The following CHL1 variants were observed in gnomAD, a reference collection of about 807,000 sequenced individuals.
CHL1 encodes the protein cell adhesion molecule L1 like.
A neutral mutation model predicts 141.9 loss-of-function variants in CHL1; 96 were observed. The ratio of observed to expected loss-of-function variants is 0.68; its 90% confidence interval spans 0.57 to 0.80. The LOEUF (loss-of-function observed/expected upper bound fraction) is 0.80, where lower values mean the gene tolerates loss of function less well. Ranked by LOEUF, CHL1 falls within the 30% of genes least tolerant of loss-of-function variation. The probability of loss-of-function intolerance (pLI) is 0.00; values close to 1 mark genes in which losing one functional copy is unlikely to be tolerated. For missense variants in CHL1, 1,820 were observed against 1,457.2 expected, an observed-to-expected ratio of 1.25 and a Z score of -4.05; for synonymous variants, 613 against 502.2, an observed-to-expected ratio of 1.22 and a Z score of -2.95.
chr3:205,590 T>C (rs970762781), intron 1 of CHL1, among the ~76,000 whole-genome samples: 10 of 152,174 alleles, frequency 6.6e-5, no homozygotes, highest in Admixed American at 2.0e-4. Flanking sequence ...GAGATAGACT[T>C]TTCCAAAGCA....
At chr3:388,404 G>A (rs1002157095) in intron 19 of CHL1, among the ~76,000 whole-genome samples, 9 of 151,950 alleles carry the variant, frequency 5.9e-5, no homozygotes, top group Admixed American at 4.6e-4. Context: ...AAAATTAGCC[G>A]GGCGTGGTGG....
At chr3:281,342 C>T (rs1438696129) in intron 2 of CHL1, among the ~76,000 whole-genome samples, 1 of 152,108 alleles carries the variant, frequency 6.6e-6, no homozygotes, top group Non-Finnish European at 1.5e-5. Flanking sequence ...AGAAAGGGAC[C>T]TCACATCCAA....
At position 251,957 on chromosome 3, in the gene CHL1, A is replaced by C. The variant is rs73814071; in HGVS notation, c.-95+7265A>C. Among the ~76,000 whole-genome samples the C allele has an allele frequency of 8.0e-3, 1,211 of 152,164 alleles. 12 individuals are homozygous for C. Among genetic ancestry groups the C allele is most frequent in the African/African-American group, 0.028 (1,152 of 41,538 alleles). On this transcript the variant is annotated intron_variant, in intron 2 of 27. Transcript: ENST00000256509. ...CTGTTTAAAACAAATTCAGTTTTTC[A>C]ACTAAAAATATCAAGCTGAGTTGGA...
In CHL1 at chr3:382,240, G is replaced by C. The variant is rs1367705911; in HGVS notation, c.1938G>C (p.Leu646=). 1.2e-6 allele frequency: 2 copies of C among 1,613,816 alleles called. No homozygotes were observed. The highest frequency in any genetic ancestry group is 2.2e-5 in the South Asian group (2 of 91,066). ...LSERQNRSVR[L]TWEAGADHNS... ...AAAGACAGAACAGGAGTGTTCGGCT[G>C]ACCTGGGAAGCTGGAGCTGACCACA... Residue 646 remains leucine (L), a synonymous_variant, in exon 17 of 28, where the codon CTG becomes CTC. Transcript: ENST00000256509.
chr3:354,754 A>G lies in CHL1; in HGVS notation c.1148A>G (p.Asn383Ser), dbSNP rs947149969. 6.2e-7 allele frequency: 1 copy of G among 1,613,694 alleles called. No individual in the cohort carries two copies. Among genetic ancestry groups the G allele is most frequent in the Non-Finnish European group, 8.5e-7 (1 of 1,179,784 alleles). Reference sequence around the variant, plus strand: ...CAACCCACAATCAAGTGGAGAGTCAATGGCTCCCCAGTTGACAGTAAGTTT... The same window carrying G: ...CAACCCACAATCAAGTGGAGAGTCAGTGGCTCCCCAGTTGACAGTAAGTTT... ...EPQPTIKWRV[N>S]GSPVDNHPFA... is the part of the protein sequence containing the mutation. The change falls in exon 11 of 28, where the codon AAT becomes AGT. Residue 383 changes from asparagine to serine, a missense_variant. Physicochemically the swap from Asn to Ser is conservative, Grantham distance 46 (BLOSUM62 1). Coordinates refer to ENST00000256509, the MANE Select transcript of CHL1 (RefSeq NM_006614.4).
At chr3:206,015 T>C (rs374951878) in intron 1 of CHL1, among the ~76,000 whole-genome samples, 92 of 152,232 alleles carry the variant, frequency 6.0e-4, no homozygotes, top group East Asian at 6.0e-3. Flanking sequence ...TCTCCAGCTA[T>C]GGTCTTCACT....
At chr3:379,272 C>T (rs1398473627) in intron 16 of CHL1, among the ~76,000 whole-genome samples, 1 of 152,060 alleles carries the variant, frequency 6.6e-6, no homozygotes. Flanking sequence ...AAATGGCCAT[C>T]AAGGTTGGGT....
chr3:354,697 G>C lies in CHL1; in HGVS notation c.1091G>C (p.Gly364Ala), dbSNP rs1363165115. 1 of 1,614,008 alleles carries C rather than the reference G, an allele frequency of 6.2e-7. No homozygotes were observed. The highest frequency in any genetic ancestry group is 1.1e-5 in the South Asian group (1 of 91,076). ...GCTGTGTATAGCACCGGAAGCAATG[G>C]CATCTTGTTATGTGAGGCTGAAGGA... is the stretch of plus-strand genomic sequence containing the variant. ...QSAVYSTGSNGILLCEAEGEP... is the reference protein window; with the variant it reads ...QSAVYSTGSNAILLCEAEGEP... The change falls in exon 11 of 28, where the codon GGC becomes GCC. Residue 364 changes from glycine to alanine, a missense_variant. Gly to Ala is a moderately conservative substitution (Grantham distance 60). Transcript: ENST00000256509.
In CHL1 at chr3:249,930, G is replaced by A. The variant is rs945731358; in HGVS notation, c.-95+5238G>A. On this transcript the variant is annotated intron_variant, in intron 2 of 27. Coordinates refer to ENST00000256509, the MANE Select transcript of CHL1 (RefSeq NM_006614.4). ...TCTAAAATCTGTACCTGGGGACTGT[G>A]AATTAAACTAACAAAAGACAGATTA... Among the ~76,000 whole-genome samples, 6 of 151,388 alleles carry A rather than the reference G, an allele frequency of 4.0e-5. No homozygotes were observed. In the East Asian group the frequency reaches 9.7e-4, roughly 24 times the overall value.
In CHL1 at chr3:389,431, T is replaced by C. The variant is rs1236525671; in HGVS notation, c.2427T>C (p.Ser809=). 2 of 1,614,096 alleles carry C rather than the reference T, an allele frequency of 1.2e-6. No homozygotes were observed. Among genetic ancestry groups the C allele is most frequent in the Non-Finnish European group, 1.7e-6 (2 of 1,180,048 alleles). ...TCCAGGCTATCAATCAACTAGGATCTGGGCCTGACCCTCAGTCAGTGACTC... is the reference window on the plus strand; with the variant it reads ...TCCAGGCTATCAATCAACTAGGATCCGGGCCTGACCCTCAGTCAGTGACTC... ...VKVQAINQLG[S]GPDPQSVTLY... is the part of the protein sequence containing the mutation. The change falls in exon 20 of 28, where the codon TCT becomes TCC. Residue 809 remains serine, a synonymous_variant. Transcript: ENST00000256509.
At chr3:335,918 T>C (rs1417617306) in intron 5 of CHL1, among the ~76,000 whole-genome samples, 1 of 152,162 alleles carries the variant, frequency 6.6e-6, no homozygotes, top group African/African-American at 2.4e-5. Flanking sequence ...AGTGAAAATA[T>C]TTGAGGAGTA....
chr3:234,193 GTA>G (rs35671583), intron 1 of CHL1, among the ~76,000 whole-genome samples: 16,060 of 144,200 alleles, frequency 0.11, 1,188 homozygotes, highest in East Asian at 0.38. Context: ...GTGTGTGTGT[GTA>G]TATATATATA....
rs9821727 is a variant in CHL1, at chr3:405,371, T to G, written c.3459-124T>G. The G allele has an allele frequency of 0.016, 10,282 of 644,796 alleles. 805 individuals carry two copies. The African/African-American group carries it at 0.16, about 10-fold the overall frequency. 39.9% of individuals were successfully genotyped at this position (644,796 alleles called of 1,614,324 possible). ...GTAGTATCATGTGGGCTTTACTATC[T>G]GTCTTCAATGCTAACACAAATGTCC... is the stretch of plus-strand genomic sequence containing the variant. On this transcript the variant is annotated intron_variant, in intron 27 of 27. Coordinates refer to ENST00000256509, the MANE Select transcript of CHL1 (RefSeq NM_006614.4).
At position 319,096 on chromosome 3, in the gene CHL1, A is replaced by G. The variant is rs564398536; in HGVS notation, c.-94-587A>G. Among the ~76,000 whole-genome samples the G allele has an allele frequency of 4.1e-4, 53 of 130,034 alleles. 1 individual carries two copies. The highest frequency in any genetic ancestry group is 1.4e-3 in the African/African-American group (43 of 31,360). 85.3% of individuals were successfully genotyped at this position (130,034 alleles called of 152,430 possible). ...ACCACATGTTCTCATTTAGAAGTGG[A>G]AGTCCAACACTGAATACACACGGAC... is the stretch of plus-strand genomic sequence containing the variant. On this transcript the variant is annotated intron_variant, in intron 2 of 27. Transcript: ENST00000256509.
intron 2 of CHL1, among the ~76,000 whole-genome samples, chr3:296,733 GA>G (rs1370842997): frequency 6.6e-6 from 1 of 152,174 alleles, no homozygotes; most frequent in Non-Finnish European, 1.5e-5. Context: ...GTGGAAGGCA[GA>G]CATTGTATCC....
At chr3:225,662 A>T (rs1053072721) in intron 1 of CHL1, among the ~76,000 whole-genome samples, 1 of 152,182 alleles carries the variant, frequency 6.6e-6, no homozygotes, top group Non-Finnish European at 1.5e-5. Flanking sequence ...CTGTCCAGGA[A>T]CTAAACAATA....
chr3:234,292 A>C (rs1691724750), intron 1 of CHL1, among the ~76,000 whole-genome samples: 1 of 151,982 alleles, frequency 6.6e-6, no homozygotes, highest in Non-Finnish European at 1.5e-5. Context: ...GAATAAAACA[A>C]AACTCCCACA....
chr3:349,689 C>CCTG, intron 10 of CHL1, 146 bp downstream of exon 10: 1 of 672,912 alleles, frequency 1.5e-6, no homozygotes. Context: ...TTATATTACA[C>CCTG]TTCAACTAAG....
chr3:360,251 C>A, intron 11 of CHL1, 33 bp from the exon 12 acceptor site: 1 of 1,610,366 alleles, frequency 6.2e-7, no homozygotes, highest in African/African-American at 1.3e-5. Flanking sequence ...TGTCCTGTTC[C>A]TTATCAAACT....
Sources: allele counts gnomAD v4.1 joint callset (sites outside exome capture counted in the v4.1 genomes callset), GRCh38; gene constraint gnomAD v4.1.1; transcripts MANE v1.5; gene names NCBI Gene and HGNC (gene_info 2026-07-23, HGNC 2026-07-21).